PALM2AKAP2: variants seen among roughly 807,000 people sequenced by gnomAD.
PALM2AKAP2 encodes the protein PALM2 and AKAP2 fusion, also known as PALM2-AKAP2 fusion protein.
In PALM2AKAP2, 37 loss-of-function variants were observed where a neutral mutation model predicts 71.5. The observed-to-expected ratio is 0.52, with a 90% CI of 0.40 to 0.68. The LOEUF (loss-of-function observed/expected upper bound fraction) is 0.68. PALM2AKAP2 is among the 30% of genes least tolerant of loss of function. PALM2AKAP2 has a pLI of 0.00. For missense variants in PALM2AKAP2, 1,224 were observed against 1,191.8 expected (o/e 1.03, Z -0.40); for synonymous variants, 468 against 478.8 (o/e 0.98, Z 0.29).
chr9:110,078,822 G>C (rs1834381102), intron 1 of PALM2AKAP2, among the ~76,000 whole-genome samples: 1 of 152,212 alleles, frequency 6.6e-6, no homozygotes, highest in Admixed American at 6.5e-5. Flanking sequence ...TGATACACAT[G>C]GAGTGTTTGC....
intron 2 of PALM2AKAP2, among the ~76,000 whole-genome samples, chr9:109,876,245 C>A (rs895787858): frequency 6.6e-6 from 1 of 152,108 alleles, no homozygotes; most frequent in Admixed American, 6.5e-5. Flanking sequence ...GGACCCTGTG[C>A]TTTGGATGGT....
intron 2 of PALM2AKAP2, among the ~76,000 whole-genome samples, chr9:109,873,269 C>T (rs1829646907): frequency 6.6e-6 from 1 of 152,064 alleles, no homozygotes; most frequent in Admixed American, 6.6e-5. Flanking sequence ...TCGAGACCAG[C>T]CTAGCCAACA....
intron 1 of PALM2AKAP2, among the ~76,000 whole-genome samples, chr9:110,063,213 C>T (rs1405247768): frequency 6.6e-6 from 1 of 152,144 alleles, no homozygotes; most frequent in Non-Finnish European, 1.5e-5. Context: ...GTCTCCCAGG[C>T]ATGTTCTTAA....
chr9:109,959,553 G>C (rs1831814687), intron 6 of PALM2AKAP2, among the ~76,000 whole-genome samples: 1 of 150,678 alleles, frequency 6.6e-6, no homozygotes, highest in African/African-American at 2.4e-5. Flanking sequence ...GTTGAGGCTA[G>C]AGAATGGCAT....
rs66848294 is a variant in PALM2AKAP2, at chr9:110,091,459, C to CTTTTTTTTTTT, written c.156+42615_156+42625dup. Among the ~76,000 whole-genome samples, 45 of 83,656 alleles carry CTTTTTTTTTTT rather than the reference C, an allele frequency of 5.4e-4. 4 individuals are homozygous for CTTTTTTTTTTT. The highest frequency in any genetic ancestry group is 0.011 in the Middle Eastern group (1 of 92). 54.9% of individuals were successfully genotyped at this position (83,656 alleles called of 152,430 possible). On this transcript the variant is annotated intron_variant, in intron 1 of 3. Transcript: ENST00000374525. Reference sequence around the variant, plus strand: ...GGCTTTTTAATCTTTGAGATTTATTCTTTTTTTTTTTTTTTTTTTTTGAGA... The same window carrying CTTTTTTTTTTT: ...GGCTTTTTAATCTTTGAGATTTATTCTTTTTTTTTTTTTTTTTTTTTTTTTTTTTTTTGAGA...
chr9:109,842,293 A>G (rs1247186500), intron 1 of PALM2AKAP2, among the ~76,000 whole-genome samples: 2 of 152,276 alleles, frequency 1.3e-5, no homozygotes, highest in South Asian at 2.1e-4. Context: ...GGCTTTACAA[A>G]TATTTGATGT....
chr9:110,146,659 A>G (rs547318321), intron 2 of PALM2AKAP2, among the ~76,000 whole-genome samples: 74 of 152,322 alleles, frequency 4.9e-4, no homozygotes, highest in Non-Finnish European at 7.4e-4. Context: ...TCAGGGCAGA[A>G]TATGACTGTG....
chr9:109,645,250 A>G (rs1001487912), intron 1 of PALM2AKAP2, among the ~76,000 whole-genome samples: 1 of 152,196 alleles, frequency 6.6e-6, no homozygotes, highest in African/African-American at 2.4e-5. Context: ...AGCAGGCAAA[A>G]AGAAAGCTTG....
At chr9:110,024,556 G>C (rs1444717465) in intron 7 of PALM2AKAP2, among the ~76,000 whole-genome samples, 1 of 152,040 alleles carries the variant, frequency 6.6e-6, no homozygotes, top group African/African-American at 2.4e-5. Flanking sequence ...GGCCAAAGTG[G>C]GTAGATCACT....
At chr9:109,913,145 C>T (rs1454746480) in intron 3 of PALM2AKAP2, among the ~76,000 whole-genome samples, 4 of 152,220 alleles carry the variant, frequency 2.6e-5, no homozygotes, top group Non-Finnish European at 5.9e-5. Context: ...CCCCTGTCCC[C>T]ACACTCACTT....
At chr9:110,010,230 G>T (rs1832854872) in intron 6 of PALM2AKAP2, among the ~76,000 whole-genome samples, 1 of 151,832 alleles carries the variant, frequency 6.6e-6, no homozygotes, top group Non-Finnish European at 1.5e-5. Flanking sequence ...CTCAAGGTTT[G>T]GTCTTGTATT....
chr9:109,708,139 CT>C (rs375110387), intron 1 of PALM2AKAP2, among the ~76,000 whole-genome samples: 4 of 152,140 alleles, frequency 2.6e-5, no homozygotes, highest in African/African-American at 9.7e-5. Context: ...TTGTTGATTC[CT>C]TTGTACAACA....
chr9:109,908,258 C>T (rs1352847330), intron 3 of PALM2AKAP2, among the ~76,000 whole-genome samples: 2 of 152,240 alleles, frequency 1.3e-5, no homozygotes, highest in African/African-American at 2.4e-5. Flanking sequence ...CCTTAAACCA[C>T]AGCAGCTCCC....
chr9:109,779,807 C>T (rs1417406350), upstream of PALM2AKAP2, among the ~76,000 whole-genome samples: 1 of 152,202 alleles, frequency 6.6e-6, no homozygotes, highest in Non-Finnish European at 1.5e-5. Flanking sequence ...AAGCGTCTGG[C>T]TTGAGCCAGA....
chr9:110,112,026 C>T (rs62578862), intron 1 of PALM2AKAP2, among the ~76,000 whole-genome samples: 8,892 of 151,992 alleles, frequency 0.059, 328 homozygotes, highest in Middle Eastern at 0.11. Flanking sequence ...CTGTTGTGCT[C>T]GAACCTGTAT....
chr9:109,766,712 T>A (rs1829160647), intron 1 of PALM2AKAP2, among the ~76,000 whole-genome samples: 1 of 152,210 alleles, frequency 6.6e-6, no homozygotes, highest in South Asian at 2.1e-4. Context: ...TTTCATTTCA[T>A]AAAGAATCTG....
At chr9:109,984,955 A>G (rs955050988) in intron 6 of PALM2AKAP2, among the ~76,000 whole-genome samples, 1 of 152,118 alleles carries the variant, frequency 6.6e-6, no homozygotes, top group African/African-American at 2.4e-5. Context: ...CAGGTGGATC[A>G]CCTGAGGTCA....
Position 110,137,106 on chromosome 9 carries a change from A to C in PALM2AKAP2, c.1136A>C (p.Gln379Pro). 6.2e-7 allele frequency: 1 copy of C among 1,613,242 alleles called. No homozygotes were observed. Among genetic ancestry groups the C allele is most frequent in the Non-Finnish European group, 8.5e-7 (1 of 1,179,738 alleles). Residue 379 changes from glutamine to proline, a missense_variant, in exon 2 of 4, where the codon CAG becomes CCG. Physicochemically the swap from Gln to Pro is moderately conservative, Grantham distance 76. Coordinates refer to ENST00000374525, the Ensembl canonical transcript of PALM2AKAP2. ...AAGCAGTTACAGCAGCAGCAGCAGCAGCCCCCATCGCAGCTCTGCACAGCC... is the reference window on the plus strand; with the variant it reads ...AAGCAGTTACAGCAGCAGCAGCAGCCGCCCCCATCGCAGCTCTGCACAGCC...
At chr9:109,810,900 G>A (rs1037387971) in intron 1 of PALM2AKAP2, among the ~76,000 whole-genome samples, 7 of 152,266 alleles carry the variant, frequency 4.6e-5, no homozygotes, top group East Asian at 1.9e-4. Flanking sequence ...GCAGGTGTGC[G>A]GGAGCCTGTG....
Sources: allele counts gnomAD v4.1 joint callset (sites outside exome capture counted in the v4.1 genomes callset), GRCh38; gene constraint gnomAD v4.1.1; transcripts MANE v1.5; gene names NCBI Gene and HGNC (gene_info 2026-07-23, HGNC 2026-07-21).